TRAF3IP2: variants seen among roughly 807,000 people sequenced by gnomAD.
TRAF3IP2 encodes the protein TRAF3 interacting protein 2.
TRAF3IP2 carries 35 observed loss-of-function variants against 57.9 expected under a neutral mutation model. The observed-to-expected ratio is 0.60, with a 90% CI of 0.46 to 0.80. TRAF3IP2 has a LOEUF of 0.80. TRAF3IP2 is among the 30% of genes least tolerant of loss of function. The pLI is 0.00. For missense variants in TRAF3IP2, 556 were observed against 706.4 expected, an observed-to-expected ratio of 0.79 and a Z score of 2.41; for synonymous variants, 251 against 268.9, an observed-to-expected ratio of 0.93 and a Z score of 0.65.
chr6:111,602,171 C>G (rs974798732), intron 1 of TRAF3IP2: 2 of 152,226 alleles, frequency 1.3e-5, no homozygotes, highest in African/African-American at 4.8e-5. Flanking sequence ...ATGAACCGAC[C>G]TGATTTGAGG....
chr6:111,603,116 C>T (rs956202525), intron 1 of TRAF3IP2, among the ~76,000 whole-genome samples: 6 of 151,824 alleles, frequency 4.0e-5, no homozygotes, highest in East Asian at 1.9e-4. Flanking sequence ...ACACACAAGG[C>T]GTGCACACAC....
intron 8 of TRAF3IP2, among the ~76,000 whole-genome samples, chr6:111,561,868 G>C (rs1280166549): frequency 6.6e-6 from 1 of 152,200 alleles, no homozygotes; most frequent in Non-Finnish European, 1.5e-5. Flanking sequence ...CCAGTAAGGA[G>C]ACTCATCAGT....
At chr6:111,603,084 GCA>G (rs3066041) in intron 1 of TRAF3IP2, among the ~76,000 whole-genome samples, 3,042 of 149,814 alleles carry the variant, frequency 0.02, 39 homozygotes, top group South Asian at 0.041. Context: ...CACAAGGTGT[GCA>G]CACACACACA....
rs1002894750 is a variant in TRAF3IP2, at chr6:111,600,038, T to A, written c.-9+5738A>T. 1.2e-4 allele frequency: 18 copies of A among 152,350 alleles called. No individual in the cohort carries two copies. In the East Asian group the frequency reaches 3.5e-3, roughly 29 times the overall value. 9.4% of individuals were successfully genotyped at this position (152,350 alleles called of 1,614,324 possible). ...TACCTAACGTCTCTGGGCCTCACTT[T>A]TCTCATCTGCAAAATAGGGAAAATA... is the stretch of plus-strand genomic sequence containing the variant. On this transcript the variant is annotated intron_variant, in intron 1 of 8. Transcript: ENST00000368761.
chr6:111,595,836 A>T (rs921754741), intron 1 of TRAF3IP2, among the ~76,000 whole-genome samples: 1 of 152,082 alleles, frequency 6.6e-6, no homozygotes, highest in African/African-American at 2.4e-5. Context: ...TCAAAAAAAA[A>T]AAAAAAAAGG....
intron 8 of TRAF3IP2, among the ~76,000 whole-genome samples, chr6:111,560,518 G>A (rs566934760): frequency 1.6e-4 from 24 of 152,340 alleles, no homozygotes; most frequent in African/African-American, 5.5e-4. Flanking sequence ...AGCAGCACCT[G>A]CTGCATGGCA....
At chr6:111,580,491 G>A in intron 2 of TRAF3IP2, 102 bp from the exon 3 acceptor site, 2 of 1,039,736 alleles carry the variant, frequency 1.9e-6, no homozygotes, top group Non-Finnish European at 2.7e-6. Context: ...GATCCCAGCT[G>A]AGGGGTCCAG....
At chr6:111,573,080 TA>T (rs1795879975) in intron 4 of TRAF3IP2, 97 bp from the exon 5 acceptor site, 17 of 994,186 alleles carry the variant, frequency 1.7e-5, no homozygotes, top group Non-Finnish European at 2.4e-5. Context: ...CCTTCTAGAA[TA>T]ATAAGAGGAA....
chr6:111,591,467 A>G lies in TRAF3IP2; in HGVS notation c.620T>C (p.Leu207Pro). The change falls in exon 2 of 9, where the codon CTG becomes CCG. Residue 207 changes from leucine to proline, a missense_variant. Transcript: ENST00000368761. The surrounding 1 kb of genome is among the most constrained non-coding windows in gnomAD (Gnocchi z 4.9). ...GGGCCTTTCCAGCTGCCTGATGCCC[A>G]GGACATCCTGGGGCTGGGAATCATA... is the stretch of plus-strand genomic sequence containing the variant. ...TGYDSQPQDVLGIRQLERPLP... is the reference protein window; with the variant it reads ...TGYDSQPQDVPGIRQLERPLP... The G allele has an allele frequency of 2.5e-6, 4 of 1,599,996 alleles. No homozygotes were observed. The highest frequency in any genetic ancestry group is 3.4e-6 in the Non-Finnish European group (4 of 1,171,124).
intron 2 of TRAF3IP2, among the ~76,000 whole-genome samples, chr6:111,583,277 C>T (rs1230891973): frequency 6.6e-6 from 1 of 152,212 alleles, no homozygotes; most frequent in Non-Finnish European, 1.5e-5. Flanking sequence ...TTTAGGACTG[C>T]ACAATCTATT....
chr6:111,589,549 G>A (rs911656190), intron 2 of TRAF3IP2, among the ~76,000 whole-genome samples: 1 of 152,140 alleles, frequency 6.6e-6, no homozygotes, highest in Admixed American at 6.5e-5. Context: ...ATGACTGGGC[G>A]CTTAGAGCAG....
intron 7 of TRAF3IP2, among the ~76,000 whole-genome samples, chr6:111,564,413 T>G (rs927229233): frequency 6.6e-6 from 1 of 152,174 alleles, no homozygotes; most frequent in Non-Finnish European, 1.5e-5. Context: ...ACTGTGAAGT[T>G]TGGCTTGTGC....
intron 2 of TRAF3IP2, among the ~76,000 whole-genome samples, chr6:111,588,605 T>G (rs1031133884): frequency 2.0e-5 from 3 of 152,204 alleles, no homozygotes; most frequent in Non-Finnish European, 4.4e-5. Context: ...CAATGAGGCT[T>G]TCCCTTGTTA....
intron 1 of TRAF3IP2, among the ~76,000 whole-genome samples, chr6:111,595,914 T>A (rs1796676036): frequency 6.6e-6 from 1 of 151,942 alleles, no homozygotes; most frequent in Non-Finnish European, 1.5e-5. Context: ...TACCTTCAAG[T>A]TGCTGTGATC....
chr6:111,564,203 C>T (rs1337015606), intron 7 of TRAF3IP2, among the ~76,000 whole-genome samples: 1 of 151,976 alleles, frequency 6.6e-6, no homozygotes, highest in Non-Finnish European at 1.5e-5. Context: ...ACACACAAAT[C>T]CTCCACAAGG....
chr6:111,586,447 G>A (rs536802759), intron 2 of TRAF3IP2, among the ~76,000 whole-genome samples: 207 of 152,252 alleles, frequency 1.4e-3, no homozygotes, highest in African/African-American at 4.7e-3. Context: ...GGAAGGATTC[G>A]GAGGCAGCAG....
intron 2 of TRAF3IP2, among the ~76,000 whole-genome samples, chr6:111,582,681 G>C (rs778462175): frequency 1.3e-5 from 2 of 152,174 alleles, no homozygotes; most frequent in Non-Finnish European, 2.9e-5. Flanking sequence ...CAGGTCCCCA[G>C]GTAGGGGCCA....
chr6:111,572,333 C>G (rs1310909891), intron 5 of TRAF3IP2, among the ~76,000 whole-genome samples: 1 of 152,180 alleles, frequency 6.6e-6, no homozygotes, highest in African/African-American at 2.4e-5. Context: ...TCCCCTGGAA[C>G]TGGATTAGAC....
At chr6:111,598,069 G>A (rs1197305907) in intron 1 of TRAF3IP2, 2 of 362,606 alleles carry the variant, frequency 5.5e-6, no homozygotes, top group Non-Finnish European at 1.1e-5. Flanking sequence ...GGGGGAGAGC[G>A]GGGCTGGAGG....
Sources: gnomAD v4.1 joint callset for allele counts (sites outside exome capture counted in the v4.1 genomes callset) on GRCh38, gnomAD v4.1.1 for gene constraint, Gnocchi (gnomAD v3.1) non-coding constraint, MANE v1.5 for transcripts, NCBI Gene and HGNC (gene_info 2026-07-23, HGNC 2026-07-21) for gene names.